The following SORBS2 variants were observed in gnomAD, a reference collection of about 807,000 sequenced individuals.
SORBS2 encodes the protein sorbin and SH3 domain-containing protein 2.
A neutral mutation model predicts 97.7 loss-of-function variants in SORBS2; 46 were observed. That is an observed-to-expected ratio of 0.47 (90% CI 0.37 to 0.60). The LOEUF (loss-of-function observed/expected upper bound fraction) is 0.60. Among genes scored for constraint, SORBS2 ranks in the 20% least tolerant of loss-of-function variants. The pLI, the probability that SORBS2 is intolerant of heterozygous loss-of-function variation, is 0.00. For missense variants in SORBS2, 1,316 were observed against 1,282.3 expected (o/e 1.03, Z -0.40); for synonymous variants, 476 against 473.4 (o/e 1.01, Z -0.07).
At chr4:185,835,870 C>T (rs2099207800) in intron 1 of SORBS2, among the ~76,000 whole-genome samples, 1 of 151,922 alleles carries the variant, frequency 6.6e-6, no homozygotes, top group Admixed American at 6.6e-5. Context: ...CTGAAGAAGT[C>T]CCATAAACCG....
intron 1 of SORBS2, among the ~76,000 whole-genome samples, chr4:185,783,152 G>A (rs1015055407): frequency 2.0e-5 from 3 of 152,152 alleles, no homozygotes; most frequent in Non-Finnish European, 2.9e-5. Flanking sequence ...GGTGAAGGAC[G>A]AATTAAGCCC....
intron 2 of SORBS2, among the ~76,000 whole-genome samples, chr4:185,752,065 G>T (rs1316979794): frequency 2.0e-5 from 3 of 152,158 alleles, no homozygotes; most frequent in African/African-American, 7.2e-5. Flanking sequence ...CCACAACCTG[G>T]CTCCAGATGT....
chr4:185,734,017 A>C (rs1441070329), intron 2 of SORBS2, 82 bp downstream of exon 3: 1 of 152,578 alleles, frequency 6.6e-6, no homozygotes, highest in Non-Finnish European at 1.5e-5. Flanking sequence ...TTTTTGTTAG[A>C]GTGCACGCAT....
intron 1 of SORBS2, among the ~76,000 whole-genome samples, chr4:185,831,705 C>T (rs1035293585): frequency 1.3e-5 from 2 of 152,180 alleles, no homozygotes; most frequent in Admixed American, 6.5e-5. Flanking sequence ...GAGTCCTTTC[C>T]CTCAGGGAGC....
intron 12 of SORBS2, among the ~76,000 whole-genome samples, chr4:185,598,630 A>G (rs2096177423): frequency 6.6e-6 from 1 of 152,222 alleles, no homozygotes; most frequent in African/African-American, 2.4e-5. Context: ...AAATCTCTGA[A>G]AGCAATATAA....
At chr4:185,913,464 G>C (rs949811863) in intron 1 of SORBS2, among the ~76,000 whole-genome samples, 1 of 152,154 alleles carries the variant, frequency 6.6e-6, no homozygotes, top group South Asian at 2.1e-4. Context: ...TGATTCTTTC[G>C]AGACGAGTCT....
At chr4:185,692,201 G>A (rs4637444) in intron 2 of SORBS2, among the ~76,000 whole-genome samples, 14 of 152,230 alleles carry the variant, frequency 9.2e-5, no homozygotes, top group African/African-American at 3.1e-4. Context: ...GTCTGACCCC[G>A]GCCACTTGGC....
At chr4:185,815,260 C>G (rs533156053) in intron 1 of SORBS2, among the ~76,000 whole-genome samples, 4 of 152,218 alleles carry the variant, frequency 2.6e-5, no homozygotes, top group Admixed American at 2.6e-4. Flanking sequence ...TGTAAATTTT[C>G]TGTTCATAGC....
At chr4:185,749,798 G>A (rs2098788598) in intron 2 of SORBS2, among the ~76,000 whole-genome samples, 1 of 152,214 alleles carries the variant, frequency 6.6e-6, no homozygotes, top group Admixed American at 6.5e-5. Context: ...AGAGACCACA[G>A]CTCTTAATGC....
chr4:185,927,493 T>C (rs572561517), intron 1 of SORBS2, among the ~76,000 whole-genome samples: 69 of 151,652 alleles, frequency 4.5e-4, no homozygotes, highest in Non-Finnish European at 8.4e-4. Flanking sequence ...TGTCCATGTA[T>C]GCTCATTGTT....
Position 185,864,740 on chromosome 4 carries a change from G to C in SORBS2, c.-337-89374C>G, listed in dbSNP as rs187341569. Among the ~76,000 whole-genome samples the C allele has an allele frequency of 7.6e-4, 116 of 152,126 alleles. 1 individual carries two copies. The highest frequency in any genetic ancestry group is 2.6e-3 in the African/African-American group (106 of 41,512). On this transcript the variant is annotated intron_variant, in intron 1 of 20. Transcript: ENST00000284776. ...AGCCTGGCCAACATGGTGAAACCCT[G>C]TCTCTACTAAAAACACAAAAAATTA...
intron 1 of SORBS2, among the ~76,000 whole-genome samples, chr4:185,948,093 T>C (rs1025072440): frequency 2.6e-5 from 4 of 152,170 alleles, no homozygotes; most frequent in Admixed American, 6.5e-5. Context: ...CTCGTTTCTG[T>C]AGGAAGTGAA....
intron 8 of SORBS2, 64 bp from the exon 21 acceptor site, chr4:185,618,695 T>A (rs760511537): frequency 9.6e-7 from 1 of 1,041,620 alleles, no homozygotes; most frequent in East Asian, 2.4e-5. Flanking sequence ...GAAAGTAGTT[T>A]AATGTGCCTT....
intron 1 of SORBS2, among the ~76,000 whole-genome samples, chr4:185,928,534 A>C (rs1415481543): frequency 2.6e-5 from 4 of 152,100 alleles, no homozygotes; most frequent in African/African-American, 9.7e-5. Context: ...CATGGATTTC[A>C]TGTATAAGAA....
chr4:185,724,763 G>A (rs541743755), intron 2 of SORBS2, among the ~76,000 whole-genome samples: 3 of 152,210 alleles, frequency 2.0e-5, no homozygotes, highest in East Asian at 1.9e-4. Flanking sequence ...GCTGTTTCCC[G>A]AATCTGGATG....
chr4:185,723,482 G>A (rs2098532430), intron 2 of SORBS2, among the ~76,000 whole-genome samples: 1 of 152,190 alleles, frequency 6.6e-6, no homozygotes, highest in South Asian at 2.1e-4. Context: ...GAGGCTCTAA[G>A]GGAAGTTGGG....
chr4:185,869,483 G>T (rs1314497644), intron 1 of SORBS2, among the ~76,000 whole-genome samples: 1 of 152,118 alleles, frequency 6.6e-6, no homozygotes, highest in African/African-American at 2.4e-5. Flanking sequence ...CTCATACTTG[G>T]CTCCTACCAG....
intron 12 of SORBS2, among the ~76,000 whole-genome samples, chr4:185,608,537 A>C (rs1415238316): frequency 6.6e-6 from 1 of 152,218 alleles, no homozygotes; most frequent in East Asian, 1.9e-4. Context: ...ACGTAGTATT[A>C]CTGATGTATT....
chr4:185,761,579 G>T (rs1186467322), intron 2 of SORBS2: 1 of 152,226 alleles, frequency 6.6e-6, no homozygotes, highest in Non-Finnish European at 1.5e-5. Context: ...CTCAACAAAT[G>T]ATTGTTGTGC....
Sources: gnomAD v4.1 joint callset for allele counts (sites outside exome capture counted in the v4.1 genomes callset) on GRCh38, gnomAD v4.1.1 for gene constraint, MANE v1.5 for transcripts, NCBI Gene and HGNC (gene_info 2026-07-23, HGNC 2026-07-21) for gene names.